Variants in SAMD12 observed in about 807,000 individuals in gnomAD.
SAMD12 encodes the protein sterile alpha motif domain containing 12.
A neutral mutation model predicts 15.0 loss-of-function variants in SAMD12; 9 were observed. That is an observed-to-expected ratio of 0.60 (90% confidence interval 0.36 to 1.05). SAMD12 has a LOEUF of 1.05. SAMD12 is among the 50% of genes least tolerant of loss of function. The pLI is 0.01. For synonymous variants in SAMD12, 86 were observed against 90.1 expected (o/e 0.96, Z 0.25); for missense variants, 230 against 234.2 (o/e 0.98, Z 0.12).
chr8:118,483,414 C>A (rs1193598291), intron 2 of SAMD12, among the ~76,000 whole-genome samples: 3 of 152,166 alleles, frequency 2.0e-5, no homozygotes, highest in Non-Finnish European at 2.9e-5. Flanking sequence ...ATTTATTGCC[C>A]TGCTTGTGTC....
chr8:118,413,110 A>G (rs1291820481), intron 3 of SAMD12, among the ~76,000 whole-genome samples: 1 of 150,670 alleles, frequency 6.6e-6, no homozygotes, highest in Non-Finnish European at 1.5e-5. Flanking sequence ...TCTGTCCTAC[A>G]TAAGTCAACA....
At chr8:118,251,593 A>T (rs1427813325) in intron 4 of SAMD12, among the ~76,000 whole-genome samples, 1 of 152,056 alleles carries the variant, frequency 6.6e-6, no homozygotes, top group Non-Finnish European at 1.5e-5. Flanking sequence ...TAATCTGCAA[A>T]ACTGTTCTGC....
chr8:118,408,084 C>G (rs952578436), intron 3 of SAMD12, among the ~76,000 whole-genome samples: 7 of 152,098 alleles, frequency 4.6e-5, no homozygotes, highest in Non-Finnish European at 2.9e-5. Context: ...TTCCCTGTAC[C>G]TCCTCTTTAC....
chr8:118,229,430 CTGACT>C (rs1449081222), intron 4 of SAMD12, among the ~76,000 whole-genome samples: 1 of 152,040 alleles, frequency 6.6e-6, no homozygotes, highest in Non-Finnish European at 1.5e-5. Flanking sequence ...TTCTTTCTCC[CTGACT>C]TATTTACATG....
chr8:118,139,967 T>G, the SAMD12 span, among the ~76,000 whole-genome samples: 12 of 152,198 alleles, frequency 7.9e-5, no homozygotes, highest in Non-Finnish European at 8.8e-5. Context: ...TGGAAGGCGC[T>G]GGACTTCCTT....
chr8:118,579,920 T>C (rs1002505424), intron 2 of SAMD12, among the ~76,000 whole-genome samples: 67 of 152,246 alleles, frequency 4.4e-4, no homozygotes, highest in African/African-American at 1.6e-3. Flanking sequence ...ATAGTGCCAG[T>C]CCCATTGTAG....
the SAMD12 span, among the ~76,000 whole-genome samples, chr8:118,161,421 C>CA: frequency 2.1e-3 from 309 of 150,012 alleles, no homozygotes; most frequent in Non-Finnish European, 3.4e-3. Context: ...CTGTCTCTAC[C>CA]AAAAAAAAAT....
intron 4 of SAMD12, among the ~76,000 whole-genome samples, chr8:118,372,810 AC>A (rs1171729068): frequency 6.6e-6 from 1 of 151,884 alleles, no homozygotes; most frequent in African/African-American, 2.4e-5. Context: ...TTTTGCACCA[AC>A]CTAATACATT....
chr8:118,359,566 G>A (rs1439588125), intron 4 of SAMD12, among the ~76,000 whole-genome samples: 1 of 152,170 alleles, frequency 6.6e-6, no homozygotes, highest in East Asian at 1.9e-4. Context: ...AGCAACGAAC[G>A]TAGCATGGTA....
At chr8:118,566,841 CT>C (rs1179462957) in intron 2 of SAMD12, among the ~76,000 whole-genome samples, 2 of 152,090 alleles carry the variant, frequency 1.3e-5, no homozygotes, top group Non-Finnish European at 1.5e-5. Context: ...AAATCTGGAG[CT>C]TTTAAAAGAA....
intron 2 of SAMD12, among the ~76,000 whole-genome samples, chr8:118,474,047 C>T (rs2515001): frequency 0.13 from 20,050 of 152,190 alleles, 1,447 homozygotes; most frequent in East Asian, 0.28. Context: ...CAACCTCTGC[C>T]TCCTGGGTTC....
At chr8:118,344,516 AGAAG>A (rs1817533199) in intron 4 of SAMD12, among the ~76,000 whole-genome samples, 5 of 152,244 alleles carry the variant, frequency 3.3e-5, no homozygotes, top group African/African-American at 1.2e-4. Context: ...AGTAAACTGC[AGAAG>A]TGGGATATGA....
intron 2 of SAMD12, among the ~76,000 whole-genome samples, chr8:118,464,257 G>A (rs1466369570): frequency 6.6e-6 from 1 of 152,168 alleles, no homozygotes; most frequent in African/African-American, 2.4e-5. Context: ...AACCTAAACT[G>A]GTTGTGTTGC....
chr8:118,137,472 T>C, the SAMD12 span, among the ~76,000 whole-genome samples: 1 of 152,206 alleles, frequency 6.6e-6, no homozygotes, highest in African/African-American at 2.4e-5. Context: ...TTCATTTTAG[T>C]TATACGAAGT....
At chr8:118,466,251 C>T (rs557314647) in intron 2 of SAMD12, among the ~76,000 whole-genome samples, 1 of 152,296 alleles carries the variant, frequency 6.6e-6, no homozygotes, top group South Asian at 2.1e-4. Context: ...TCAGCTGGAT[C>T]CAGTGTATGG....
intron 4 of SAMD12, among the ~76,000 whole-genome samples, chr8:118,362,405 A>G (rs1818546845): frequency 6.6e-6 from 1 of 152,190 alleles, no homozygotes; most frequent in Admixed American, 6.5e-5. Flanking sequence ...TGTTGTCTGA[A>G]TTTTAGGGAC....
intron 3 of SAMD12, among the ~76,000 whole-genome samples, chr8:118,400,084 A>C (rs903742347): frequency 2.0e-5 from 3 of 152,230 alleles, no homozygotes; most frequent in Middle Eastern, 3.2e-3. Flanking sequence ...TGCATGATGT[A>C]CTTGAGCACC....
Position 118,412,204 on chromosome 8 carries a change from T to C in SAMD12, c.322+27628A>G, listed in dbSNP as rs55920590. Among the ~76,000 whole-genome samples, 781 of 152,268 alleles carry C rather than the reference T, an allele frequency of 5.1e-3. 8 individuals carry two copies. Among genetic ancestry groups the C allele is most frequent in the African/African-American group, 0.018 (748 of 41,538 alleles). On this transcript the variant is annotated intron_variant, in intron 3 of 3. Coordinates refer to ENST00000314727, the MANE Select transcript of SAMD12 (RefSeq NM_207506.3). ...CAGAATTAACACAGACCTGTGTCTTTTGTGGTTAACCTATGCCTATTCCTT... is the reference window on the plus strand; with the variant it reads ...CAGAATTAACACAGACCTGTGTCTTCTGTGGTTAACCTATGCCTATTCCTT...
chr8:118,332,947 T>C (rs79076479), intron 4 of SAMD12, among the ~76,000 whole-genome samples: 4,039 of 152,242 alleles, frequency 0.027, 159 homozygotes, highest in African/African-American at 0.09. Flanking sequence ...CTCATATTTA[T>C]CTCATGCTTA....
Sources: allele counts gnomAD v4.1 joint callset (sites outside exome capture counted in the v4.1 genomes callset), GRCh38; gene constraint gnomAD v4.1.1; transcripts MANE v1.5; gene names NCBI Gene and HGNC (gene_info 2026-07-23, HGNC 2026-07-21).